The following ELMO1 variants were observed in gnomAD, a reference collection of about 807,000 sequenced individuals.
The protein encoded by ELMO1 is engulfment and cell motility protein 1.
ELMO1 carries 26 observed loss-of-function variants against 98.9 expected under a neutral mutation model. The ratio of observed to expected loss-of-function variants is 0.26; its 90% confidence interval spans 0.19 to 0.36. The LOEUF is 0.36. Among genes scored for constraint, ELMO1 ranks in the 10% least tolerant of loss-of-function variants. ELMO1 has a pLI of 1.00. For synonymous variants in ELMO1, 346 were observed against 346.0 expected, an observed-to-expected ratio of 1.00 and a Z score of 0.00; for missense variants, 627 against 935.2, an observed-to-expected ratio of 0.67 and a Z score of 4.30.
At chr7:37,364,852 A>G (rs78833161) in intron 1 of ELMO1, among the ~76,000 whole-genome samples, 12,328 of 152,300 alleles carry the variant, frequency 0.081, 609 homozygotes, top group Middle Eastern at 0.12. Flanking sequence ...CTTCTTAACA[A>G]AGCTCAGAAT....
intron 13 of ELMO1, among the ~76,000 whole-genome samples, chr7:37,146,390 C>T (rs776079328): frequency 9.2e-5 from 14 of 152,132 alleles, no homozygotes; most frequent in Non-Finnish European, 5.9e-5. Context: ...CAAATGCAAG[C>T]GCATGTTAGG....
chr7:37,142,740 C>T (rs1407507067), intron 13 of ELMO1, among the ~76,000 whole-genome samples: 1 of 152,170 alleles, frequency 6.6e-6, no homozygotes, highest in South Asian at 2.1e-4. Flanking sequence ...AAAAGAGAAA[C>T]ACATGATACT....
At chr7:37,211,571 G>T (rs1792975327) in intron 12 of ELMO1, 54 bp from the exon 13 acceptor site, 4 of 1,595,182 alleles carry the variant, frequency 2.5e-6, no homozygotes, top group Non-Finnish European at 3.4e-6. Flanking sequence ...TGCTTTCATT[G>T]TGTGACATTA....
chr7:36,982,547 T>C (rs768201259), intron 16 of ELMO1, among the ~76,000 whole-genome samples: 19 of 152,240 alleles, frequency 1.2e-4, no homozygotes, highest in Non-Finnish European at 2.6e-4. Flanking sequence ...ACATTTTTTG[T>C]AGTCTTGTTA....
At chr7:37,382,122 C>A (rs1802605648) in intron 1 of ELMO1, among the ~76,000 whole-genome samples, 1 of 152,134 alleles carries the variant, frequency 6.6e-6, no homozygotes, top group Non-Finnish European at 1.5e-5. Context: ...ACATTTAAGG[C>A]AATCTCAGAA....
intron 1 of ELMO1, among the ~76,000 whole-genome samples, chr7:37,398,109 C>A (rs1466766019): frequency 6.6e-6 from 1 of 152,108 alleles, no homozygotes; most frequent in Non-Finnish European, 1.5e-5. Context: ...CCATGGCACA[C>A]GTTTACCTAT....
At chr7:37,166,644 G>A (rs1470810944) in intron 13 of ELMO1, among the ~76,000 whole-genome samples, 2 of 152,102 alleles carry the variant, frequency 1.3e-5, no homozygotes, top group East Asian at 1.9e-4. Flanking sequence ...GTAGTTGAGC[G>A]TTTTTGAGTG....
At chr7:37,292,659 C>A (rs1215234146) in intron 4 of ELMO1, among the ~76,000 whole-genome samples, 87 of 92,456 alleles carry the variant, frequency 9.4e-4, no homozygotes, top group Non-Finnish European at 1.4e-3. Context: ...AAGTGAGGAG[C>A]CCCTCCGCCC....
chr7:37,255,124 T>A (rs1795571453), intron 6 of ELMO1, among the ~76,000 whole-genome samples: 1 of 152,226 alleles, frequency 6.6e-6, no homozygotes. Flanking sequence ...CCCCTCATAA[T>A]TCACATGTTT....
chr7:37,327,658 C>T (rs1000267178), intron 2 of ELMO1, among the ~76,000 whole-genome samples: 1 of 152,018 alleles, frequency 6.6e-6, no homozygotes, highest in African/African-American at 2.4e-5. Context: ...AGTTGGTCTG[C>T]GTGCTTTTGA....
intron 17 of ELMO1, among the ~76,000 whole-genome samples, chr7:36,893,578 G>C (rs918506154): frequency 1.3e-5 from 2 of 152,326 alleles, no homozygotes; most frequent in South Asian, 4.1e-4. Flanking sequence ...ATGTACGGTA[G>C]ATGTTACTGC....
At chr7:37,430,156 T>C (rs1055410603) in intron 1 of ELMO1, among the ~76,000 whole-genome samples, 2 of 152,200 alleles carry the variant, frequency 1.3e-5, no homozygotes, top group Admixed American at 1.3e-4. Flanking sequence ...AAATTCAATG[T>C]CTGGACCACC....
At chr7:36,924,612 G>T (rs1279601169) in intron 16 of ELMO1, among the ~76,000 whole-genome samples, 2 of 152,176 alleles carry the variant, frequency 1.3e-5, no homozygotes, top group African/African-American at 4.8e-5. Flanking sequence ...TTTACTTAAA[G>T]GAAATATATT....
At chr7:36,986,060 T>G in intron 16 of ELMO1, 2 of 999,104 alleles carry the variant, frequency 2.0e-6, no homozygotes, top group Non-Finnish European at 2.4e-6. Flanking sequence ...AGCTTGTTCA[T>G]GAAACAGGTT....
intron 1 of ELMO1, among the ~76,000 whole-genome samples, chr7:37,346,333 G>C (rs985146584): frequency 1.3e-5 from 2 of 152,220 alleles, no homozygotes; most frequent in South Asian, 4.1e-4. Context: ...TTAAAATTTC[G>C]CATCCTCTTT....
In ELMO1 at chr7:36,872,472, A is replaced by G. The variant is rs149628061; in HGVS notation, c.1823-1997T>C. On this transcript the variant is annotated intron_variant, in intron 19 of 21. Coordinates refer to ENST00000310758, the MANE Select transcript of ELMO1 (RefSeq NM_014800.11). ...AGCCATGGAGATTTTGGGGTTGTTTATCCCTGCAGCACAAGGTAGCATTAC... is the reference window on the plus strand; with the variant it reads ...AGCCATGGAGATTTTGGGGTTGTTTGTCCCTGCAGCACAAGGTAGCATTAC... Among the ~76,000 whole-genome samples the G allele has an allele frequency of 5.9e-4, 90 of 152,308 alleles. 2 individuals are homozygous for G. In the East Asian group the frequency reaches 0.017, roughly 29 times the overall value.
chr7:37,442,992 C>T (rs1805471345), intron 1 of ELMO1, among the ~76,000 whole-genome samples: 1 of 152,214 alleles, frequency 6.6e-6, no homozygotes, highest in African/African-American at 2.4e-5. Flanking sequence ...ACATTTCATT[C>T]CTCCAAGCCA....
intron 19 of ELMO1, among the ~76,000 whole-genome samples, chr7:36,872,367 C>T (rs779244847): frequency 7.9e-5 from 12 of 152,184 alleles, no homozygotes; most frequent in Admixed American, 3.9e-4. Context: ...GTCTGTGTTC[C>T]TGAATGACTA....
intron 16 of ELMO1, among the ~76,000 whole-genome samples, chr7:37,004,019 C>G (rs1033729352): frequency 7.2e-5 from 11 of 152,290 alleles, no homozygotes; most frequent in African/African-American, 2.6e-4. Flanking sequence ...GAAATGTGTT[C>G]TTAACCTCCC....
Sources: gnomAD v4.1 joint callset for allele counts (sites outside exome capture counted in the v4.1 genomes callset) on GRCh38, gnomAD v4.1.1 for gene constraint, MANE v1.5 for transcripts, NCBI Gene and HGNC (gene_info 2026-07-23, HGNC 2026-07-21) for gene names.